The following EIF4G3 variants were observed in gnomAD, a reference collection of about 807,000 sequenced individuals.
EIF4G3 encodes the protein eukaryotic translation initiation factor 4 gamma 3, also known as eIF-4-gamma 3.
In EIF4G3, 34 loss-of-function variants were observed where a neutral mutation model predicts 186.4. The ratio of observed to expected loss-of-function variants is 0.18; its 90% CI spans 0.14 to 0.24. EIF4G3 has a LOEUF of 0.24. Among genes scored for constraint, EIF4G3 ranks in the 10% least tolerant of loss-of-function variants. The probability of loss-of-function intolerance (pLI) is 1.00; values close to 1 mark genes in which losing one functional copy is unlikely to be tolerated. For missense variants in EIF4G3, 1,536 were observed against 1,948.5 expected (o/e 0.79, Z 3.99); for synonymous variants, 673 against 679.5 (o/e 0.99, Z 0.15).
chr1:21,024,072 G>A (rs143370804), intron 4 of EIF4G3, among the ~76,000 whole-genome samples: 49,421 of 148,430 alleles, frequency 0.33, 8,886 homozygotes, highest in Non-Finnish European at 0.41. Flanking sequence ...CAGCTGCCCC[G>A]TCTGAGAAGT....
chr1:21,085,531 C>G (rs982893554), intron 3 of EIF4G3, among the ~76,000 whole-genome samples: 13 of 151,922 alleles, frequency 8.6e-5, no homozygotes, highest in Middle Eastern at 3.2e-3. Context: ...CTCCCAACTA[C>G]CTAAAATTAC....
At position 21,152,339 on chromosome 1, in the gene EIF4G3, C is replaced by CA. The variant is rs34780982; in HGVS notation, c.-272+23835dup. 4.5e-3 allele frequency among the ~76,000 whole-genome samples: 461 copies of CA among 103,570 alleles called. 17 individuals carry two copies. The highest frequency in any genetic ancestry group is 6.7e-3 in the Non-Finnish European group (373 of 56,046). The allele number at this position is 103,570 out of a possible 152,430, so 67.9% of individuals were successfully genotyped here. A position where few individuals can be genotyped will look rare whatever the true frequency, so the allele number is the denominator to read the frequency against. On this transcript the variant is annotated intron_variant, in intron 2 of 36. Transcript: ENST00000602326. The stretch of plus-strand genomic sequence containing the variant: ...GCAACAGAGCGAGACCCTGTCTCTA[C>CA]AAAAAAAAAAAAAGCAAATAAAATT...
At chr1:21,118,510 G>A (rs907884681) in intron 2 of EIF4G3, among the ~76,000 whole-genome samples, 13 of 152,086 alleles carry the variant, frequency 8.5e-5, no homozygotes, top group African/African-American at 2.4e-4. Context: ...TGTTGGGCCC[G>A]GCGCAGTGGT....
intron 4 of EIF4G3, among the ~76,000 whole-genome samples, chr1:21,035,718 C>G (rs1266665221): frequency 6.6e-6 from 1 of 152,236 alleles, no homozygotes; most frequent in Non-Finnish European, 1.5e-5. Context: ...GCACAAGTAA[C>G]CTGGGGGCCA....
chr1:21,056,167 C>G (rs1386920389), intron 3 of EIF4G3, among the ~76,000 whole-genome samples: 1 of 152,100 alleles, frequency 6.6e-6, no homozygotes, highest in Non-Finnish European at 1.5e-5. Flanking sequence ...ATAGTTCTGC[C>G]AAACTGGTAA....
At chr1:20,951,388 A>C (rs2096211360) in intron 12 of EIF4G3, among the ~76,000 whole-genome samples, 1 of 152,156 alleles carries the variant, frequency 6.6e-6, no homozygotes, top group South Asian at 2.1e-4. Context: ...ATATTCCACA[A>C]TTCTAAATGA....
At chr1:21,146,123 G>T (rs2097436155) in intron 2 of EIF4G3, among the ~76,000 whole-genome samples, 1 of 152,068 alleles carries the variant, frequency 6.6e-6, no homozygotes, top group South Asian at 2.1e-4. Flanking sequence ...AGGAGTAGAG[G>T]TTGGAGGATT....
intron 15 of EIF4G3, among the ~76,000 whole-genome samples, chr1:20,903,261 T>G (rs1295191998): frequency 3.3e-5 from 5 of 152,178 alleles, no homozygotes; most frequent in Non-Finnish European, 7.3e-5. Flanking sequence ...AGCGGCAAAT[T>G]TGAGGAATTG....
At chr1:20,906,569 T>C (rs560808245) in intron 14 of EIF4G3, among the ~76,000 whole-genome samples, 1 of 152,288 alleles carries the variant, frequency 6.6e-6, no homozygotes, top group African/African-American at 2.4e-5. Context: ...GATAAACTTT[T>C]CTTTCCACAA....
chr1:20,910,642 C>T (rs762773309), intron 14 of EIF4G3, among the ~76,000 whole-genome samples: 2 of 152,068 alleles, frequency 1.3e-5, no homozygotes, highest in Non-Finnish European at 2.9e-5. Flanking sequence ...TTTAGAAAAT[C>T]CACATAAGGA....
At chr1:20,991,530 T>C (rs1241978035) in intron 7 of EIF4G3, among the ~76,000 whole-genome samples, 2 of 151,070 alleles carry the variant, frequency 1.3e-5, no homozygotes, top group Non-Finnish European at 2.9e-5. Flanking sequence ...ATCGTGCCAC[T>C]GCACTCCAGC....
chr1:20,900,271 C>T (rs2089831274), intron 15 of EIF4G3, among the ~76,000 whole-genome samples: 1 of 152,100 alleles, frequency 6.6e-6, no homozygotes, highest in African/African-American at 2.4e-5. Flanking sequence ...GAATCTAAAA[C>T]AAGCACTACA....
At chr1:21,041,101 G>A (rs922801484) in intron 4 of EIF4G3, among the ~76,000 whole-genome samples, 10 of 151,896 alleles carry the variant, frequency 6.6e-5, no homozygotes, top group South Asian at 2.1e-4. Flanking sequence ...AATTTAATTC[G>A]ACTACATTTT....
intron 4 of EIF4G3, chr1:21,003,678 T>C (rs894464411): frequency 5.6e-6 from 2 of 358,046 alleles, no homozygotes; most frequent in African/African-American, 4.4e-5. Context: ...CCATTTTTTT[T>C]CTAGATCTTT....
chr1:21,138,153 A>G (rs2097278871), intron 2 of EIF4G3, among the ~76,000 whole-genome samples: 1 of 152,234 alleles, frequency 6.6e-6, no homozygotes, highest in African/African-American at 2.4e-5. Context: ...AGCTCTTTGC[A>G]TAAGAAACAC....
intron 30 of EIF4G3, among the ~76,000 whole-genome samples, chr1:20,837,175 T>C (rs1255005075): frequency 6.6e-6 from 1 of 152,184 alleles, no homozygotes; most frequent in Non-Finnish European, 1.5e-5. Flanking sequence ...GATTAGTAGC[T>C]ACCTCACCAG....
intron 7 of EIF4G3, among the ~76,000 whole-genome samples, chr1:20,984,956 T>A (rs2079123842): frequency 6.6e-6 from 1 of 152,144 alleles, no homozygotes; most frequent in South Asian, 2.1e-4. Flanking sequence ...GGTCATAAGA[T>A]ATATGTAAAA....
At chr1:20,892,832 G>T in intron 18 of EIF4G3, 1 of 777,052 alleles carries the variant, frequency 1.3e-6, no homozygotes, top group Non-Finnish European at 2.0e-6. Flanking sequence ...ATCAAGGTTG[G>T]CTCGCTCTGT....
In EIF4G3 at chr1:21,104,989, T is replaced by C. The variant is rs547233189; in HGVS notation, c.-271-15776A>G. ...ACCAAATACTGCATGTTCTCACAAG[T>C]GGGAGCTAAAAATTGAGTACGCATT... On this transcript the variant is annotated intron_variant, in intron 2 of 36. Coordinates refer to ENST00000602326, the MANE Select transcript of EIF4G3 (RefSeq NM_001391906.1). Among the ~76,000 whole-genome samples the C allele has an allele frequency of 1.5e-4, 23 of 152,046 alleles. 1 individual carries two copies. In the South Asian group the frequency reaches 4.8e-3, roughly 32 times the overall value.
Sources: gnomAD v4.1 joint callset for allele counts (sites outside exome capture counted in the v4.1 genomes callset) on GRCh38, gnomAD v4.1.1 for gene constraint, MANE v1.5 for transcripts, NCBI Gene and HGNC (gene_info 2026-07-23, HGNC 2026-07-21) for gene names.